SLC9C1: variants seen among roughly 807,000 people sequenced by gnomAD.
The protein encoded by SLC9C1 is sodium/hydrogen exchanger 10.
Under a neutral mutation model 140.9 loss-of-function variants are expected in SLC9C1, and 97 were observed. The ratio of observed to expected loss-of-function variants is 0.69; its 90% CI spans 0.58 to 0.82. SLC9C1 has a LOEUF of 0.82. Ranked by LOEUF, SLC9C1 falls within the 40% of genes least tolerant of loss-of-function variation. SLC9C1 has a pLI of 0.00. For missense variants in SLC9C1, 1,340 were observed against 1,389.3 expected (o/e 0.96, Z 0.56); for synonymous variants, 440 against 442.6 (o/e 0.99, Z 0.07).
At chr3:112,265,822 C>T (rs1298292986) in intron 8 of SLC9C1, among the ~76,000 whole-genome samples, 1 of 152,070 alleles carries the variant, frequency 6.6e-6, no homozygotes, top group African/African-American at 2.4e-5. Context: ...CCTCATTGTC[C>T]TTAAAATACT....
intron 27 of SLC9C1, among the ~76,000 whole-genome samples, chr3:112,152,930 T>C (rs1194842093): frequency 1.3e-5 from 2 of 152,188 alleles, no homozygotes; most frequent in African/African-American, 4.8e-5. Context: ...CAGATCAAAA[T>C]GGAGTTTCTT....
At chr3:112,221,043 C>A in intron 14 of SLC9C1, 85 bp downstream of exon 14, 1 of 1,092,614 alleles carries the variant, frequency 9.2e-7, no homozygotes, top group Non-Finnish European at 1.4e-6. Context: ...AGCCAAGTTA[C>A]CAGACAAAAA....
At chr3:112,170,798 T>C (rs2077231656) in intron 23 of SLC9C1, among the ~76,000 whole-genome samples, 1 of 152,176 alleles carries the variant, frequency 6.6e-6, no homozygotes, top group Non-Finnish European at 1.5e-5. Flanking sequence ...TTGTGTGTAG[T>C]ATAGGACATG....
At chr3:112,257,989 T>C (rs878856886) in intron 10 of SLC9C1, among the ~76,000 whole-genome samples, 1 of 152,326 alleles carries the variant, frequency 6.6e-6, no homozygotes, top group Admixed American at 6.5e-5. Context: ...AAAACCATTA[T>C]GAGATACCAT....
At chr3:112,242,149 G>A (rs1041265889) in intron 11 of SLC9C1, among the ~76,000 whole-genome samples, 11 of 152,110 alleles carry the variant, frequency 7.2e-5, no homozygotes, top group Admixed American at 2.0e-4. Context: ...TATTAATAGA[G>A]TAAACAGACA....
At chr3:112,244,998 G>A (rs2079239955) in intron 10 of SLC9C1, among the ~76,000 whole-genome samples, 1 of 152,212 alleles carries the variant, frequency 6.6e-6, no homozygotes, top group South Asian at 2.1e-4. Context: ...AGTTTTGACA[G>A]TGTATATCTA....
chr3:112,184,903 A>C lies in SLC9C1; in HGVS notation c.2524-2645T>G, dbSNP rs559261706. On this transcript the variant is annotated intron_variant, in intron 20 of 28. Transcript: ENST00000305815. The stretch of plus-strand genomic sequence containing the variant: ...ATAGCAGGGTCTAGCAAGACAATAC[A>C]CCACCGGGATATACTGACCTTTGAC... Among the ~76,000 whole-genome samples, 359 of 152,122 alleles carry C rather than the reference A, an allele frequency of 2.4e-3. 1 individual carries two copies. The highest frequency in any genetic ancestry group is 4.3e-3 in the Non-Finnish European group (289 of 67,982).
At chr3:112,199,963 G>A (rs139905978) in intron 19 of SLC9C1, among the ~76,000 whole-genome samples, 20 of 151,978 alleles carry the variant, frequency 1.3e-4, no homozygotes, top group African/African-American at 4.6e-4. Flanking sequence ...ATTTCATCTG[G>A]ATTCCTGAAG....
intron 1 of SLC9C1, among the ~76,000 whole-genome samples, chr3:112,288,598 A>C (rs2080587149): frequency 6.6e-6 from 1 of 152,212 alleles, no homozygotes; most frequent in Admixed American, 6.5e-5. Flanking sequence ...TGCTACAAAA[A>C]ATAAAAAACT....
intron 28 of SLC9C1, among the ~76,000 whole-genome samples, chr3:112,142,876 G>T (rs1453355478): frequency 6.6e-6 from 1 of 151,982 alleles, no homozygotes; most frequent in Non-Finnish European, 1.5e-5. Context: ...TTCAACCCTT[G>T]ACCCCTCCCT....
rs745503181 is a variant in SLC9C1 at position 112,155,026 on chromosome 3, C to G, written c.3388G>C (p.Gly1130Arg). ...TTAACATTTCTTTCTTCTTGAATGC[C>G]TTCTTCCAATGTTCCAACTGAACCT... The part of the protein sequence containing the change: ...LIGSVGTLEE[G>R]IQEERNVKED... Residue 1130 changes from glycine to arginine, a missense_variant, in exon 27 of 29, where the codon GGC (glycine) becomes CGC (arginine). Coordinates refer to ENST00000305815, the MANE Select transcript of SLC9C1 (RefSeq NM_183061.3). 6.2e-7 allele frequency: 1 copy of G among 1,605,610 alleles called. No homozygotes were observed. Among genetic ancestry groups the G allele is most frequent in the Non-Finnish European group, 8.5e-7 (1 of 1,177,290 alleles).
intron 26 of SLC9C1, among the ~76,000 whole-genome samples, chr3:112,162,132 CTT>C (rs2075319139): frequency 6.6e-6 from 1 of 152,080 alleles, no homozygotes. Context: ...TATCCTGAGA[CTT>C]TGCTGAAGTT....
intron 13 of SLC9C1, among the ~76,000 whole-genome samples, chr3:112,227,975 A>AC (rs1424586439): frequency 1.3e-5 from 2 of 152,114 alleles, no homozygotes; most frequent in Non-Finnish European, 2.9e-5. Flanking sequence ...TGTTAAAATG[A>AC]CCATACTCCC....
chr3:112,221,694 AATT>A (rs1469295930), intron 13 of SLC9C1, among the ~76,000 whole-genome samples: 2 of 151,994 alleles, frequency 1.3e-5, no homozygotes, highest in East Asian at 3.8e-4. Flanking sequence ...TAACTTATAT[AATT>A]ATTTATAGAA....
At chr3:112,199,500 A>G (rs371639381) in intron 19 of SLC9C1, 31 bp from the exon 20 acceptor site, 30 of 1,504,028 alleles carry the variant, frequency 2.0e-5, no homozygotes, top group Non-Finnish European at 2.5e-5. Context: ...TTTAGATTAA[A>G]TAAGAACATT....
In SLC9C1 at chr3:112,162,585, G is replaced by A. The variant is rs375829991; in HGVS notation, c.3364+4636C>T. Among the ~76,000 whole-genome samples, 264 of 152,240 alleles carry A rather than the reference G, an allele frequency of 1.7e-3. 1 individual carries two copies. The highest frequency in any genetic ancestry group is 5.7e-3 in the African/African-American group (238 of 41,548). ...TGCTGGAGTACATTTATTGATTTGCGTATATTGAACCAGCCTTGCATCCCA... is the reference window on the plus strand; with the variant it reads ...TGCTGGAGTACATTTATTGATTTGCATATATTGAACCAGCCTTGCATCCCA... On this transcript the variant is annotated intron_variant, in intron 26 of 28. Coordinates refer to ENST00000305815, the MANE Select transcript of SLC9C1 (RefSeq NM_183061.3).
intron 15 of SLC9C1, among the ~76,000 whole-genome samples, chr3:112,209,724 G>T (rs2078150997): frequency 6.6e-6 from 1 of 152,054 alleles, no homozygotes; most frequent in Non-Finnish European, 1.5e-5. Context: ...ATGAAATTAT[G>T]AAAACAATTA....
At chr3:112,173,487 A>G (rs2077282588) in intron 23 of SLC9C1, among the ~76,000 whole-genome samples, 1 of 152,058 alleles carries the variant, frequency 6.6e-6, no homozygotes, top group South Asian at 2.1e-4. Context: ...TTGTGTCCAT[A>G]TGTACTTGAT....
intron 13 of SLC9C1, among the ~76,000 whole-genome samples, chr3:112,226,053 T>C (rs2078674072): frequency 6.6e-6 from 1 of 152,178 alleles, no homozygotes; most frequent in East Asian, 1.9e-4. Flanking sequence ...AACTGCACTA[T>C]AGACAGAACA....
Sources: allele counts gnomAD v4.1 joint callset (sites outside exome capture counted in the v4.1 genomes callset), GRCh38; gene constraint gnomAD v4.1.1; transcripts MANE v1.5; gene names NCBI Gene and HGNC (gene_info 2026-07-23, HGNC 2026-07-21).